The following INPP5A variants were observed in gnomAD, a reference collection of about 807,000 sequenced individuals.
The protein encoded by INPP5A is 43 kDa inositol polyphosphate 5-phophatase.
Under a neutral mutation model 65.2 loss-of-function variants are expected in INPP5A, and 14 were observed. The observed-to-expected ratio is 0.21, with a 90% CI of 0.14 to 0.34. The LOEUF (loss-of-function observed/expected upper bound fraction) is 0.34. Among genes scored for constraint, INPP5A ranks in the 10% least tolerant of loss-of-function variants. INPP5A has a pLI of 1.00. For missense variants in INPP5A, 431 were observed against 545.6 expected (o/e 0.79, Z 2.09); for synonymous variants, 207 against 208.3 (o/e 0.99, Z 0.05).
At chr10:132,700,585 A>G (rs1011775593) in intron 6 of INPP5A, among the ~76,000 whole-genome samples, 5 of 151,886 alleles carry the variant, frequency 3.3e-5, no homozygotes, top group African/African-American at 9.7e-5. Context: ...TGCTGGAGGG[A>G]GGAAGGAGGA....
chr10:132,657,319 G>A (rs1204086104), intron 4 of INPP5A, among the ~76,000 whole-genome samples: 2 of 152,256 alleles, frequency 1.3e-5, no homozygotes, highest in Non-Finnish European at 2.9e-5. Flanking sequence ...TGACCTGCAA[G>A]CACTGCCATG....
rs905774066 is a variant in INPP5A, at chr10:132,549,679, G to T, written c.75+11508G>T. ...AGACAGGTGCGTGTCCTGGAGCTCT[G>T]CAGCTGCAGGGCGGGAGCCGGGGCT... On this transcript the variant is annotated intron_variant, in intron 1 of 15. Transcript: ENST00000368594. The surrounding 1 kb of genome is among the most constrained non-coding windows in gnomAD (Gnocchi z 4.9). 6.6e-6 allele frequency among the ~76,000 whole-genome samples: 1 copy of T among 152,208 alleles called. No individual in the cohort carries two copies. The highest frequency in any genetic ancestry group is 1.5e-5 in the Non-Finnish European group (1 of 68,046).
chr10:132,558,751 C>T (rs1011284681), intron 1 of INPP5A, among the ~76,000 whole-genome samples: 1 of 152,254 alleles, frequency 6.6e-6, no homozygotes, highest in African/African-American at 2.4e-5. Context: ...AGCTTCTTGA[C>T]ATCCTTTGCC....
intron 8 of INPP5A, among the ~76,000 whole-genome samples, chr10:132,714,257 G>T (rs1204847815): frequency 6.6e-6 from 1 of 152,168 alleles, no homozygotes; most frequent in East Asian, 1.9e-4. Context: ...TCAGCCAGCC[G>T]CAGATCCGGA....
In INPP5A at chr10:132,707,545, C is replaced by T. The variant is rs904148681; in HGVS notation, c.475-768C>T. On this transcript the variant is annotated intron_variant, in intron 6 of 15. Transcript: ENST00000368594. This position sits in a 1 kb window ranked among gnomAD's most constrained non-coding sequence, Gnocchi z 5.5. ...GTCATACACTTTGCACGCTCGGTGG[C>T]CCCGGTGGCTGGCCACTGCTGTACT... is the stretch of plus-strand genomic sequence containing the variant. Among the ~76,000 whole-genome samples, 2 of 152,192 alleles carry T rather than the reference C, an allele frequency of 1.3e-5. No homozygotes were observed. The highest frequency in any genetic ancestry group is 4.8e-5 in the African/African-American group (2 of 41,440).
rs536992023 is a variant in INPP5A, at chr10:132,697,616, G to A, written c.371-200G>A. Among the ~76,000 whole-genome samples the A allele has an allele frequency of 1.3e-5, 2 of 152,286 alleles. No homozygotes were observed. Among genetic ancestry groups the A allele is most frequent in the East Asian group, 3.9e-4 (2 of 5,178 alleles). On this transcript the variant is annotated intron_variant, in intron 5 of 15. Coordinates refer to ENST00000368594, the MANE Select transcript of INPP5A (RefSeq NM_005539.5). The surrounding 1 kb of genome is among the most constrained non-coding windows in gnomAD (Gnocchi z 5.6). ...GAGTGTCAGATTCCAGGTCATGGGA[G>A]GGGAATTTATGAGCCACAGGCATGG...
intron 1 of INPP5A, among the ~76,000 whole-genome samples, chr10:132,602,326 C>T (rs192449871): frequency 3.3e-5 from 5 of 152,300 alleles, no homozygotes; most frequent in East Asian, 1.9e-4. Flanking sequence ...GACGGAGTCT[C>T]GTTCTGTCAC....
Position 132,678,198 on chromosome 10 carries a change from G to A in INPP5A, c.307-12194G>A, listed in dbSNP as rs1057468096. Among the ~76,000 whole-genome samples the A allele has an allele frequency of 6.6e-6, 1 of 152,194 alleles. No homozygotes were observed. Among genetic ancestry groups the A allele is most frequent in the Admixed American group, 6.5e-5 (1 of 15,294 alleles). On this transcript the variant is annotated intron_variant, in intron 4 of 15. Transcript: ENST00000368594. The surrounding 1 kb of genome is among the most constrained non-coding windows in gnomAD (Gnocchi z 4.1). ...TGAGAGCGGACGGTCACAGCCCCCC[G>A]TATGCTGCCTGGGGGTGGCACTGGG... is the stretch of plus-strand genomic sequence containing the variant.
chr10:132,681,746 C>A (rs2073048813), intron 4 of INPP5A, among the ~76,000 whole-genome samples: 1 of 152,196 alleles, frequency 6.6e-6, no homozygotes, highest in African/African-American at 2.4e-5. Context: ...TGGGTACAGA[C>A]CCCAAAGAAT....
intron 2 of INPP5A, among the ~76,000 whole-genome samples, chr10:132,619,947 G>C (rs1403082178): frequency 1.3e-5 from 2 of 152,214 alleles, no homozygotes; most frequent in African/African-American, 4.8e-5. Flanking sequence ...ACTGCACTTT[G>C]CCAGCATTCT....
chr10:132,635,385 G>GTTTTT (rs1564943179), intron 2 of INPP5A, among the ~76,000 whole-genome samples: 31 of 40,152 alleles, frequency 7.7e-4, no homozygotes, highest in South Asian at 2.7e-3. Context: ...CCTTTTTAAA[G>GTTTTT]ATTTTTTTTT....
At chr10:132,755,986 CCAAA>C (rs762358063) in intron 11 of INPP5A, among the ~76,000 whole-genome samples, 40 of 152,228 alleles carry the variant, frequency 2.6e-4, no homozygotes, top group Admixed American at 3.9e-4. Flanking sequence ...TGTGCACACA[CCAAA>C]CAGTGTGGAG....
At chr10:132,693,332 C>A (rs1351771095) in intron 5 of INPP5A, among the ~76,000 whole-genome samples, 1 of 152,136 alleles carries the variant, frequency 6.6e-6, no homozygotes, top group Admixed American at 6.5e-5. Context: ...TCAACGATCC[C>A]TTTAAATGTG....
rs1282417141 is a variant in INPP5A, at chr10:132,545,308, C to T, written c.75+7137C>T. 6.6e-6 allele frequency among the ~76,000 whole-genome samples: 1 copy of T among 152,144 alleles called. No homozygotes were observed. The highest frequency in any genetic ancestry group is 1.5e-5 in the Non-Finnish European group (1 of 68,020). ...CCACCGTGAAGCATCAAATTTAGAG[C>T]CCCTCTGTCCAGGGGCTAGAGGGGC... On this transcript the variant is annotated intron_variant, in intron 1 of 15. Transcript: ENST00000368594. This position sits in a 1 kb window ranked among gnomAD's most constrained non-coding sequence, Gnocchi z 4.6.
chr10:132,652,382 G>C (rs1383172096), intron 4 of INPP5A, among the ~76,000 whole-genome samples: 2 of 152,242 alleles, frequency 1.3e-5, no homozygotes, highest in Non-Finnish European at 2.9e-5. Context: ...GCGGGGAAAG[G>C]AGGCAGACAG....
intron 12 of INPP5A, among the ~76,000 whole-genome samples, chr10:132,773,975 T>C (rs535805858): frequency 2.0e-5 from 3 of 152,326 alleles, no homozygotes; most frequent in Admixed American, 2.0e-4. Flanking sequence ...TTGTCCAGGC[T>C]GGTCTTAAAC....
chr10:132,583,589 T>C (rs1015812420), intron 1 of INPP5A, among the ~76,000 whole-genome samples: 12 of 152,206 alleles, frequency 7.9e-5, no homozygotes, highest in Admixed American at 7.8e-4. Flanking sequence ...GGAGGAGGTT[T>C]CCTTGTATTT....
intron 9 of INPP5A, among the ~76,000 whole-genome samples, chr10:132,738,296 C>G (rs1846212801): frequency 6.6e-6 from 1 of 152,248 alleles, no homozygotes; most frequent in South Asian, 2.1e-4. Flanking sequence ...CTCATTCGTC[C>G]TCCTCCTTCA....
chr10:132,773,412 C>T (rs868100178), intron 12 of INPP5A, among the ~76,000 whole-genome samples: 1 of 152,182 alleles, frequency 6.6e-6, no homozygotes, highest in African/African-American at 2.4e-5. Context: ...ATGAACTGCG[C>T]AGACAAGTCC....
Sources: allele counts gnomAD v4.1 joint callset (sites outside exome capture counted in the v4.1 genomes callset), GRCh38; gene constraint gnomAD v4.1.1; non-coding constraint Gnocchi (gnomAD v3.1); transcripts MANE v1.5; gene names NCBI Gene and HGNC (gene_info 2026-07-23, HGNC 2026-07-21).